Variants in TRAK1 observed in about 807,000 individuals in gnomAD.
TRAK1 encodes the protein trafficking kinesin-binding protein 1.
Under a neutral mutation model 92.1 loss-of-function variants are expected in TRAK1, and 33 were observed. That is an observed-to-expected ratio of 0.36 (90% CI 0.27 to 0.48). The LOEUF (loss-of-function observed/expected upper bound fraction) is 0.48, where lower values mean the gene tolerates loss of function less well. Among genes scored for constraint, TRAK1 ranks in the 20% least tolerant of loss-of-function variants. The pLI is 0.99. For missense variants in TRAK1, 1,123 were observed against 1,257.9 expected, an observed-to-expected ratio of 0.89 and a Z score of 1.62; for synonymous variants, 521 against 517.3, an observed-to-expected ratio of 1.01 and a Z score of -0.10.
chr3:42,066,404 T>G (rs1703678554), intron 1 of TRAK1, among the ~76,000 whole-genome samples: 1 of 152,094 alleles, frequency 6.6e-6, no homozygotes, highest in Non-Finnish European at 1.5e-5. Flanking sequence ...GGGATTCACT[T>G]GCTCTGAAAT....
chr3:42,039,302 A>G (rs1044360957), intron 1 of TRAK1, among the ~76,000 whole-genome samples: 2 of 152,160 alleles, frequency 1.3e-5, no homozygotes, highest in African/African-American at 2.4e-5. Context: ...TGTCATATGG[A>G]TATACCACAT....
chr3:42,104,547 A>G (rs574831647), intron 1 of TRAK1, among the ~76,000 whole-genome samples: 1 of 152,192 alleles, frequency 6.6e-6, no homozygotes, highest in Admixed American at 6.5e-5. Context: ...AATATTTGCT[A>G]TTCTGCAGCC....
chr3:42,219,118 A>G, intron 14 of TRAK1: 1 of 985,418 alleles, frequency 1.0e-6, no homozygotes, highest in Non-Finnish European at 1.2e-6. Context: ...AAAGAAATGT[A>G]AAGCAGCAAA....
In TRAK1 at chr3:42,117,217, AG is replaced by A. The variant is rs149393773; in HGVS notation, c.92-8202del. Among the ~76,000 whole-genome samples, 486 of 152,264 alleles carry A rather than the reference AG, an allele frequency of 3.2e-3. 2 individuals carry two copies. Among genetic ancestry groups the A allele is most frequent in the Non-Finnish European group, 5.1e-3 (349 of 68,028 alleles). ...CTGCAGCCACTTACCTTTGTTCTAC[AG>A]AGGAAGAAACTGAGTCCCAGGCATA... On this transcript the variant is annotated intron_variant, in intron 1 of 15. Transcript: ENST00000327628.
chr3:42,214,475 C>T (rs904662673), intron 14 of TRAK1, among the ~76,000 whole-genome samples: 1 of 152,184 alleles, frequency 6.6e-6, no homozygotes, highest in Non-Finnish European at 1.5e-5. Flanking sequence ...TCTGCATTTG[C>T]CCTTTGGACG....
In TRAK1 at chr3:42,107,286, C is replaced by T. The variant is rs148223702; in HGVS notation, c.91+15726C>T. On this transcript the variant is annotated intron_variant, in intron 1 of 15. Transcript: ENST00000327628. ...ATCCCAGCACTTTGGGAGGCCAAGG[C>T]GGGCGGATCATGAGGTCAGGAGATT... is the stretch of plus-strand genomic sequence containing the variant. 6.7e-3 allele frequency among the ~76,000 whole-genome samples: 1,023 copies of T among 152,168 alleles called. 11 individuals carry two copies. The highest frequency in any genetic ancestry group is 0.022 in the African/African-American group (921 of 41,508).
intron 1 of TRAK1, among the ~76,000 whole-genome samples, chr3:42,095,607 C>T (rs1705786260): frequency 6.6e-6 from 1 of 152,134 alleles, no homozygotes; most frequent in Non-Finnish European, 1.5e-5. Flanking sequence ...ATATCCTATT[C>T]CTTGATCTGC....
At chr3:42,079,474 C>CTTTTTTTTTTTTTTTTTT (rs374173062) in intron 1 of TRAK1, among the ~76,000 whole-genome samples, 1 of 133,942 alleles carries the variant, frequency 7.5e-6, no homozygotes, top group African/African-American at 2.7e-5. Context: ...GAAGCTCCTT[C>CTTTTTTTTTTTTTTTTTT]TTCTTTTTTT....
intron 2 of TRAK1, among the ~76,000 whole-genome samples, chr3:42,168,538 C>T (rs1702152717): frequency 6.6e-6 from 1 of 152,192 alleles, no homozygotes; most frequent in Non-Finnish European, 1.5e-5. Flanking sequence ...TGCTTGTTTA[C>T]AGTTAGCTCC....
intron 1 of TRAK1, among the ~76,000 whole-genome samples, chr3:42,043,779 G>A (rs1553098): frequency 0.097 from 8,315 of 85,842 alleles, 630 homozygotes; most frequent in African/African-American, 0.28. Flanking sequence ...CCACCCCCCC[G>A]CCACCCCAAC....
chr3:42,184,927 C>T (rs1704570888), intron 4 of TRAK1, 126 bp downstream of exon 4: 8 of 882,844 alleles, frequency 9.1e-6, no homozygotes, highest in Middle Eastern at 3.6e-4. Flanking sequence ...ACGACCGCGG[C>T]CTGAGCCCAG....
intron 1 of TRAK1, among the ~76,000 whole-genome samples, chr3:42,017,308 A>G (rs911302973): frequency 2.6e-5 from 4 of 152,094 alleles, no homozygotes; most frequent in Non-Finnish European, 1.5e-5. Context: ...TATTTAACTC[A>G]TCTATATTTG....
intron 1 of TRAK1, among the ~76,000 whole-genome samples, chr3:42,023,240 A>G (rs1011453145): frequency 6.6e-6 from 1 of 151,830 alleles, no homozygotes; most frequent in East Asian, 1.9e-4. Flanking sequence ...TGTTCTTTAT[A>G]GTATACTGAA....
intron 1 of TRAK1, among the ~76,000 whole-genome samples, chr3:42,019,506 G>A (rs1260615208): frequency 2.6e-5 from 4 of 152,148 alleles, no homozygotes; most frequent in Non-Finnish European, 4.4e-5. Context: ...AGCTTCAAGC[G>A]ATCCTTCTGC....
At chr3:42,058,098 C>G (rs979353971) in intron 1 of TRAK1, among the ~76,000 whole-genome samples, 2 of 152,164 alleles carry the variant, frequency 1.3e-5, no homozygotes, top group Admixed American at 6.5e-5. Context: ...TCTTACTGCT[C>G]TGCCACAGTG....
Position 42,209,959 on chromosome 3 carries a change from C to G in TRAK1, c.1937C>G (p.Thr646Ser). The stretch of plus-strand genomic sequence containing the variant: ...TCTCTCCCACGCCTAGCTACCTCCA[C>G]TCCAGTTCAGCACCCAGAGACCTCA... ...HISLPRLATSTPVQHPETSAH... is the reference protein window; with the variant it reads ...HISLPRLATSSPVQHPETSAH... Residue 646 changes from threonine to serine, a missense_variant, in exon 14 of 16, where the codon ACT becomes AGT. Coordinates refer to ENST00000327628, the MANE Select transcript of TRAK1 (RefSeq NM_001042646.3). 1.9e-6 allele frequency: 3 copies of G among 1,614,236 alleles called. No individual in the cohort carries two copies. The highest frequency in any genetic ancestry group is 1.3e-5 in the African/African-American group (1 of 75,060).
chr3:42,096,219 A>G (rs1397235133), intron 1 of TRAK1, among the ~76,000 whole-genome samples: 2 of 152,218 alleles, frequency 1.3e-5, no homozygotes, highest in African/African-American at 4.8e-5. Flanking sequence ...ATTCATAGAT[A>G]ACGAATCCTC....
upstream of TRAK1, among the ~76,000 whole-genome samples, chr3:42,088,891 T>A (rs1315751543): frequency 2.0e-5 from 3 of 152,220 alleles, no homozygotes; most frequent in African/African-American, 2.4e-5. Flanking sequence ...TTTGCTCTTA[T>A]GTGTGCACCT....
chr3:42,108,858 T>G (rs1707954446), intron 1 of TRAK1, among the ~76,000 whole-genome samples: 1 of 151,962 alleles, frequency 6.6e-6, no homozygotes, highest in Non-Finnish European at 1.5e-5. Flanking sequence ...AGTCTCAGAA[T>G]GGGTCAAAAA....
Sources: gnomAD v4.1 joint callset for allele counts (sites outside exome capture counted in the v4.1 genomes callset) on GRCh38, gnomAD v4.1.1 for gene constraint, MANE v1.5 for transcripts, NCBI Gene and HGNC (gene_info 2026-07-23, HGNC 2026-07-21) for gene names.